TUT1: variants seen among roughly 807,000 people sequenced by gnomAD.
The protein encoded by TUT1 is speckle targeted PIP5K1A-regulated poly(A) polymerase.
TUT1 carries 26 observed loss-of-function variants against 48.8 expected under a neutral mutation model. That is an observed-to-expected ratio of 0.53 (90% CI 0.39 to 0.74). The LOEUF (loss-of-function observed/expected upper bound fraction) is 0.74, where lower values mean the gene tolerates loss of function less well. Ranked by LOEUF, TUT1 falls within the 30% of genes least tolerant of loss-of-function variation. The probability of loss-of-function intolerance (pLI) is 0.00; values close to 1 mark genes in which losing one functional copy is unlikely to be tolerated. For synonymous variants in TUT1, 470 were observed against 460.8 expected, an observed-to-expected ratio of 1.02 and a Z score of -0.26; for missense variants, 1,065 against 1,114.8, an observed-to-expected ratio of 0.96 and a Z score of 0.64.
Position 62,581,187 on chromosome 11 carries a change from A to T in TUT1, c.609T>A (p.Phe203Leu), listed in dbSNP as rs1235830959. The change falls in exon 4 of 9, where the codon TTT (phenylalanine) becomes TTA (leucine). Residue 203 changes from phenylalanine to leucine, a missense_variant. By Grantham distance (22) the Phe-to-Leu change is conservative. Coordinates refer to ENST00000476907, the MANE Select transcript of TUT1 (RefSeq NM_022830.3). ...EFFPGCVVHPFGSSINSFDVH... is the reference protein window; with the variant it reads ...EFFPGCVVHPLGSSINSFDVH... ...CATCGAAGCTATTTATGGAAGAGCC[A>T]AAAGGGTGGACCACACAGCCTGGGT... 1 of 1,614,124 alleles carries T rather than the reference A, an allele frequency of 6.2e-7. No individual in the cohort carries two copies. The highest frequency in any genetic ancestry group is 1.3e-5 in the African/African-American group (1 of 75,038).
chr11:62,578,698 C>G lies in TUT1; in HGVS notation c.1023G>C (p.Leu341=). 6.2e-7 allele frequency: 1 copy of G among 1,614,244 alleles called. No individual in the cohort carries two copies. ...KEEKAEGAAM[L]ELVGSILRGC... ...CCCGGAGAATGGATCCCACCAGCTC[C>G]AGCATTGCTGCCCCCTCTGCTTTCT... Residue 341 remains leucine, a synonymous_variant, in exon 5 of 9, where the codon CTG becomes CTC. Transcript: ENST00000476907.
intron 4 of TUT1, among the ~76,000 whole-genome samples, chr11:62,580,046 A>T (rs554168182): frequency 3.9e-4 from 59 of 152,310 alleles, no homozygotes; most frequent in African/African-American, 1.3e-3. Flanking sequence ...AGAATGAGGC[A>T]GGAGGATTCC....
chr11:62,591,419 C>T lies in TUT1; in HGVS notation c.67G>A (p.Val23Ile). Residue 23 changes from valine to isoleucine, a missense_variant, in exon 1 of 9, where the codon GTT (valine) becomes ATT (isoleucine). Val to Ile is a conservative substitution (Grantham distance 29). Coordinates refer to ENST00000476907, the MANE Select transcript of TUT1 (RefSeq NM_022830.3). ...RGGFRCCLCH[V>I]TTANRPSLDA... ...CACCGCTTACGGTTGGCTGTAGTAA[C>T]GTGGCAGAGGCAGCAGCGGAACCCC... 3 of 1,598,834 alleles carry T rather than the reference C, an allele frequency of 1.9e-6. No homozygotes were observed. Among genetic ancestry groups the T allele is most frequent in the Non-Finnish European group, 2.6e-6 (3 of 1,173,266 alleles).
intron 2 of TUT1, among the ~76,000 whole-genome samples, chr11:62,585,815 G>A (rs1941903610): frequency 6.6e-6 from 1 of 151,912 alleles, no homozygotes; most frequent in African/African-American, 2.4e-5. Context: ...AAATAAACAG[G>A]CCTGGCACGG....
chr11:62,586,849 C>CAT (rs1266992248), intron 2 of TUT1, among the ~76,000 whole-genome samples: 30 of 151,066 alleles, frequency 2.0e-4, no homozygotes, highest in Middle Eastern at 3.4e-3. Context: ...GGATTACAGG[C>CAT]GCCTGCCACC....
chr11:62,577,085 C>A, intron 6 of TUT1, 68 bp from the exon 7 acceptor site: 1 of 1,590,520 alleles, frequency 6.3e-7, no homozygotes, highest in Non-Finnish European at 8.6e-7. Flanking sequence ...GCAGTTTTCT[C>A]AACCCCGGTG....
rs1565266416 is a variant in TUT1, at chr11:62,578,878, AG to A, written c.842del (p.Pro281LeufsTer32). ...QDSEALDFET[P>X]SSSLAPQTPD... ...GAGTTTGGGGCGCCAGGGAGGAGGA[AG>A]GGGTTTCAAAGTCCAGGGCTTCAGA... On this transcript the variant is annotated frameshift_variant, in exon 5 of 9. Coordinates refer to ENST00000476907, the MANE Select transcript of TUT1 (RefSeq NM_022830.3). LOFTEE classifies it high-confidence loss of function. The A allele has an allele frequency of 6.2e-7, 1 of 1,609,690 alleles. No homozygotes were observed. The highest frequency in any genetic ancestry group is 1.1e-5 in the South Asian group (1 of 90,806).
Position 62,576,202 on chromosome 11 carries a change from T to C in TUT1, c.1517A>G (p.Asp506Gly). 6.2e-7 allele frequency: 1 copy of C among 1,606,506 alleles called. No individual in the cohort carries two copies. The highest frequency in any genetic ancestry group is 2.2e-5 in the East Asian group (1 of 44,732). Residue 506 changes from aspartate to glycine, a missense_variant, in exon 9 of 9, where the codon GAT becomes GGT. Asp to Gly is a moderately conservative substitution (Grantham distance 94). Transcript: ENST00000476907. ...AQFFSCVSCW[D>G]LRGSLLSLRE... is the part of the protein sequence containing the mutation. Reference sequence around the variant, plus strand: ...CAGGGACAGCAGGGAGCCACGAAGATCCCAACAAGATACACAGGAGAAGAA... The same window carrying C: ...CAGGGACAGCAGGGAGCCACGAAGACCCCAACAAGATACACAGGAGAAGAA...
chr11:62,583,515 T>C (rs911317934), intron 2 of TUT1, among the ~76,000 whole-genome samples: 3 of 151,820 alleles, frequency 2.0e-5, no homozygotes, highest in African/African-American at 7.3e-5. Flanking sequence ...AGGCAATTGC[T>C]TGAACCCGGG....
intron 1 of TUT1, 100 bp from the exon 2 acceptor site, chr11:62,589,321 AG>A: frequency 8.7e-7 from 1 of 1,150,184 alleles, no homozygotes; most frequent in Non-Finnish European, 1.2e-6. Flanking sequence ...TCCAAGCCAC[AG>A]AAACTGTGAC....
intron 5 of TUT1, among the ~76,000 whole-genome samples, chr11:62,577,581 T>G (rs1590716616): frequency 8.2e-6 from 1 of 122,426 alleles, no homozygotes. Flanking sequence ...CAACATCCCA[T>G]GTCAGAAAAA....
At chr11:62,589,517 C>G (rs1941975222) in intron 1 of TUT1, among the ~76,000 whole-genome samples, 1 of 152,186 alleles carries the variant, frequency 6.6e-6, no homozygotes, top group African/African-American at 2.4e-5. Context: ...AATTCTCCTG[C>G]CTCAGCCTCG....
intron 1 of TUT1, among the ~76,000 whole-genome samples, chr11:62,590,364 C>T (rs1941989240): frequency 6.6e-6 from 1 of 152,056 alleles, no homozygotes; most frequent in African/African-American, 2.4e-5. Context: ...AGGCCGGGCG[C>T]GGTGGCTCAG....
At chr11:62,586,781 T>C (rs1590723234) in intron 2 of TUT1, among the ~76,000 whole-genome samples, 1 of 148,174 alleles carries the variant, frequency 6.7e-6, no homozygotes, top group Admixed American at 6.7e-5. Flanking sequence ...CCGGGTGTGG[T>C]GGCACGCGCC....
chr11:62,575,439 C>T lies in TUT1; in HGVS notation c.2280G>A (p.Leu760=). 6.2e-7 allele frequency: 1 copy of T among 1,611,286 alleles called. No homozygotes were observed. Among genetic ancestry groups the T allele is most frequent in the Admixed American group, 1.7e-5 (1 of 60,018 alleles). Residue 760 remains leucine (L), a synonymous_variant, in exon 9 of 9, where the codon CTG becomes CTA. Coordinates refer to ENST00000476907, the MANE Select transcript of TUT1 (RefSeq NM_022830.3). ...SQGEAGKGAS[L]PSSASWRCAL... The stretch of plus-strand genomic sequence containing the variant: ...CACAGCGCCAGCTCGCTGAGGAGGG[C>T]AGGGATGCCCCCTTCCCTGCCTCAC...
intron 2 of TUT1, among the ~76,000 whole-genome samples, chr11:62,582,261 C>G (rs1941840314): frequency 1.3e-5 from 2 of 151,976 alleles, no homozygotes; most frequent in African/African-American, 4.8e-5. Flanking sequence ...GTGTGAGCCA[C>G]TGCACCTGGC....
intron 2 of TUT1, among the ~76,000 whole-genome samples, chr11:62,588,265 AG>A (rs1941950834): frequency 6.6e-6 from 1 of 152,230 alleles, no homozygotes; most frequent in African/African-American, 2.4e-5. Context: ...TAAAATCCAA[AG>A]GGTGGGACTG....
chr11:62,588,295 C>T (rs1941951379), intron 2 of TUT1, among the ~76,000 whole-genome samples: 1 of 152,170 alleles, frequency 6.6e-6, no homozygotes, highest in Non-Finnish European at 1.5e-5. Context: ...GGCTCACGCC[C>T]GTAATCCCAG....
chr11:62,581,870 G>C (rs1444427807), intron 2 of TUT1, among the ~76,000 whole-genome samples, 169 bp from the exon 3 acceptor site: 1 of 152,096 alleles, frequency 6.6e-6, no homozygotes, highest in Non-Finnish European at 1.5e-5. Flanking sequence ...TTTCAGCCAG[G>C]TGCAGTGACT....
Sources: allele counts gnomAD v4.1 joint callset (sites outside exome capture counted in the v4.1 genomes callset), GRCh38; gene constraint gnomAD v4.1.1; transcripts MANE v1.5; gene names NCBI Gene and HGNC (gene_info 2026-07-23, HGNC 2026-07-21).